The following KLHL13 variants were observed in gnomAD, a reference collection of about 807,000 sequenced individuals.
The protein encoded by KLHL13 is kelch-like protein 13.
A neutral mutation model predicts 37.1 loss-of-function variants in KLHL13; 10 were observed. That is an observed-to-expected ratio of 0.27 (90% CI 0.17 to 0.46). The LOEUF (loss-of-function observed/expected upper bound fraction) is 0.46, where lower values mean the gene tolerates loss of function less well. KLHL13 is among the 20% of genes least tolerant of loss of function. The probability of loss-of-function intolerance (pLI) is 1.00; values close to 1 mark genes in which losing one functional copy is unlikely to be tolerated. For missense variants in KLHL13, 360 were observed against 509.3 expected (o/e 0.71, Z 2.82); for synonymous variants, 163 against 181.2 (o/e 0.90, Z 0.81).
At chrX:117,926,632 T>G (rs1322234263) in intron 2 of KLHL13, among the ~76,000 whole-genome samples, 2 of 110,918 alleles carry the variant, frequency 1.8e-5, no homozygotes, top group African/African-American at 6.6e-5. Context: ...AAGTTTGCTC[T>G]AGAATAAATG....
intron 1 of KLHL13, among the ~76,000 whole-genome samples, chrX:118,065,538 G>A (rs2054785560): frequency 9.0e-6 from 1 of 111,588 alleles, no homozygotes; most frequent in Non-Finnish European, 1.9e-5. Flanking sequence ...CTGGCCAGAA[G>A]TAATCCCAGG....
At chrX:118,049,678 G>C in intron 1 of KLHL13, among the ~76,000 whole-genome samples, 1 of 110,806 alleles carries the variant, frequency 9.0e-6, no homozygotes, top group South Asian at 3.9e-4. Flanking sequence ...CTATACTAAA[G>C]GTTGCAGCTA....
chrX:117,963,808 C>T (rs1309375601), intron 1 of KLHL13, among the ~76,000 whole-genome samples: 1 of 105,997 alleles, frequency 9.4e-6, no homozygotes, highest in Non-Finnish European at 1.9e-5. Context: ...TTGCATTTCT[C>T]TGATGGCCAG....
At chrX:118,027,949 A>C (rs2054292788) in intron 1 of KLHL13, among the ~76,000 whole-genome samples, 2 of 112,051 alleles carry the variant, frequency 1.8e-5, no homozygotes, top group Admixed American at 9.5e-5. Flanking sequence ...TTAAATAATA[A>C]ATTTAAAATC....
chrX:118,068,127 G>A (rs1262400690), intron 1 of KLHL13, among the ~76,000 whole-genome samples: 1 of 111,002 alleles, frequency 9.0e-6, no homozygotes, highest in African/African-American at 3.3e-5. Context: ...CCACAATTTC[G>A]TAGGCAGTTA....
intron 1 of KLHL13, among the ~76,000 whole-genome samples, chrX:117,972,432 C>T (rs1224387593): frequency 8.9e-6 from 1 of 112,626 alleles, no homozygotes; most frequent in Admixed American, 9.4e-5. Context: ...AAAATTCAAA[C>T]AAATCCAACA....
intron 1 of KLHL13, among the ~76,000 whole-genome samples, chrX:118,056,667 G>T (rs1271545723): frequency 6.3e-5 from 7 of 111,462 alleles, no homozygotes; most frequent in African/African-American, 1.6e-4. Context: ...ATTAGACCCT[G>T]GTTGATACAT....
Position 118,111,875 on chromosome X carries a change from G to A in KLHL13, c.-56+4633C>T, listed in dbSNP as rs190555023. 1.2e-3 allele frequency among the ~76,000 whole-genome samples: 131 copies of A among 111,991 alleles called. 1 individual carries two copies. The highest frequency in any genetic ancestry group is 4.1e-3 in the African/African-American group (127 of 30,801). ...CCACTGCACTCCAGCCTGAACGATA[G>A]AGTGAGAGAGCGAGACTCCGTCTAA... On this transcript the variant is annotated intron_variant, in intron 1 of 6. Transcript: ENST00000371882.
At chrX:118,097,874 A>C (rs1256333673) in intron 1 of KLHL13, among the ~76,000 whole-genome samples, 9 of 111,945 alleles carry the variant, frequency 8.0e-5, no homozygotes, top group African/African-American at 2.9e-4. Flanking sequence ...CTGGCTAGCC[A>C]TATGTAGAAA....
At chrX:117,989,437 A>G (rs2053763413) in intron 1 of KLHL13, among the ~76,000 whole-genome samples, 1 of 108,861 alleles carries the variant, frequency 9.2e-6, no homozygotes. Context: ...TATTCATTTT[A>G]AGGAAAAACT....
At chrX:118,018,879 T>C (rs760466165) in intron 1 of KLHL13, among the ~76,000 whole-genome samples, 19 of 111,680 alleles carry the variant, frequency 1.7e-4, no homozygotes, top group Non-Finnish European at 2.6e-4. Flanking sequence ...TAAGGGGTTG[T>C]TTTTAAGACT....
At chrX:117,983,533 T>C in intron 1 of KLHL13, 1 of 1,145,051 alleles carries the variant, frequency 8.7e-7, no homozygotes, top group Non-Finnish European at 1.2e-6. Flanking sequence ...TTAATGACAA[T>C]TGCCTCCGTC....
At chrX:118,005,066 T>G (rs1438104290) in intron 1 of KLHL13, among the ~76,000 whole-genome samples, 2 of 111,708 alleles carry the variant, frequency 1.8e-5, no homozygotes, top group Non-Finnish European at 3.8e-5. Context: ...AATTCTGAAG[T>G]TGAGCTTTCT....
chrX:117,980,085 T>A (rs1212145905), intron 1 of KLHL13, among the ~76,000 whole-genome samples: 2 of 112,160 alleles, frequency 1.8e-5, no homozygotes, highest in Non-Finnish European at 3.8e-5. Flanking sequence ...TTATTTTTTT[T>A]AATTTTGGTA....
chrX:117,966,464 C>T (rs1430161183), intron 1 of KLHL13, among the ~76,000 whole-genome samples: 1 of 111,192 alleles, frequency 9.0e-6, no homozygotes, highest in African/African-American at 3.3e-5. Flanking sequence ...GAATCAATAT[C>T]ATGAAAATGG....
chrX:118,004,283 C>T (rs1156553205), intron 1 of KLHL13, among the ~76,000 whole-genome samples: 1 of 111,614 alleles, frequency 9.0e-6, no homozygotes, highest in African/African-American at 3.3e-5. Context: ...TGTGTATATA[C>T]ATGTATACAA....
intron 2 of KLHL13, among the ~76,000 whole-genome samples, chrX:117,935,406 G>A (rs1932726546): frequency 8.9e-6 from 1 of 112,150 alleles, no homozygotes; most frequent in South Asian, 3.7e-4. Context: ...GCTCAGAATA[G>A]ACAGATCTAC....
intron 5 of KLHL13, among the ~76,000 whole-genome samples, chrX:117,907,740 CAT>C (rs771255285): frequency 7.2e-4 from 79 of 110,219 alleles, no homozygotes; most frequent in Non-Finnish European, 9.8e-4. Flanking sequence ...GATCATGCGA[CAT>C]AGTCCAACAA....
intron 1 of KLHL13, among the ~76,000 whole-genome samples, chrX:118,012,833 G>T (rs764223378): frequency 9.0e-6 from 1 of 111,403 alleles, no homozygotes; most frequent in South Asian, 3.8e-4. Flanking sequence ...TAAAGTTCCA[G>T]CCTCTAAAGA....
Sources: gnomAD v4.1 joint callset for allele counts (sites outside exome capture counted in the v4.1 genomes callset) on GRCh38, gnomAD v4.1.1 for gene constraint, MANE v1.5 for transcripts, NCBI Gene and HGNC (gene_info 2026-07-23, HGNC 2026-07-21) for gene names.